MBIP: variants seen among roughly 807,000 people sequenced by gnomAD.
The protein encoded by MBIP is MAP3K12-binding inhibitory protein 1.
In MBIP, 32 loss-of-function variants were observed where a neutral mutation model predicts 45.7. That is an observed-to-expected ratio of 0.70 (90% confidence interval 0.53 to 0.94). MBIP has a LOEUF of 0.94. MBIP is among the 40% of genes least tolerant of loss of function. The pLI is 0.00. For missense variants in MBIP, 381 were observed against 405.5 expected (o/e 0.94, Z 0.52); for synonymous variants, 145 against 141.0 (o/e 1.03, Z -0.20).
chr14:36,311,095 T>C (rs1880171001), intron 6 of MBIP, among the ~76,000 whole-genome samples: 1 of 152,128 alleles, frequency 6.6e-6, no homozygotes, highest in African/African-American at 2.4e-5. Context: ...GATATTTATT[T>C]AGAAAACAGA....
intron 4 of MBIP, chr14:36,314,279 G>T: frequency 2.4e-6 from 1 of 419,640 alleles, no homozygotes; most frequent in Non-Finnish European, 4.2e-6. Context: ...CTTCACCTGT[G>T]ATAAACACTT....
intron 4 of MBIP, 42 bp downstream of exon 4, chr14:36,314,470 T>C: frequency 8.5e-7 from 1 of 1,178,736 alleles, no homozygotes; most frequent in Non-Finnish European, 1.2e-6. Flanking sequence ...ACTATAAAAA[T>C]TGTGCTTAAA....
Position 36,298,788 on chromosome 14 carries a change from T to A in MBIP, c.*295A>T, listed in dbSNP as rs1338684877. Reference sequence around the variant, plus strand: ...TCAAAATAAATCTTCCTTCCTGTGGTCCACAAAAGAAAAAAGATGTACCAG... The same window carrying A: ...TCAAAATAAATCTTCCTTCCTGTGGACCACAAAAGAAAAAAGATGTACCAG... On this transcript the variant is annotated 3_prime_UTR_variant, in exon 9 of 9. Coordinates refer to ENST00000416007, the MANE Select transcript of MBIP (RefSeq NM_016586.3). The A allele has an allele frequency of 4.3e-6, 1 of 233,998 alleles. No homozygotes were observed. Among genetic ancestry groups the A allele is most frequent in the East Asian group, 9.3e-5 (1 of 10,762 alleles). 14.5% of individuals were successfully genotyped at this position (233,998 alleles called of 1,614,324 possible). A position where few individuals can be genotyped will look rare whatever the true frequency, so the allele number is the denominator to read the frequency against.
rs1880069160 is a variant in MBIP at position 36,309,372 on chromosome 14, ATC to A, written c.791-1185_791-1184del. On this transcript the variant is annotated intron_variant, in intron 6 of 8. Coordinates refer to ENST00000416007, the MANE Select transcript of MBIP (RefSeq NM_016586.3). ...ATAAGCTCCAAGAGGACAGAGTTTTATCTGTTTTGTTCATTAGGTAGGGCTGT... is the reference window on the plus strand; with the variant it reads ...ATAAGCTCCAAGAGGACAGAGTTTTATGTTTTGTTCATTAGGTAGGGCTGT... Among the ~76,000 whole-genome samples the A allele has an allele frequency of 2.0e-5, 3 of 152,230 alleles. No homozygotes were observed. The East Asian group carries it at 5.8e-4, about 29-fold the overall frequency.
chr14:36,308,403 C>G (rs1007644198), intron 6 of MBIP, among the ~76,000 whole-genome samples: 1 of 152,128 alleles, frequency 6.6e-6, no homozygotes, highest in Non-Finnish European at 1.5e-5. Context: ...CTCTCCAAAC[C>G]CCATTTATGC....
intron 7 of MBIP, among the ~76,000 whole-genome samples, chr14:36,307,390 T>G (rs1001429146): frequency 2.0e-5 from 3 of 152,122 alleles, no homozygotes; most frequent in African/African-American, 7.2e-5. Context: ...ATTTTAGTTC[T>G]AATATGGTAC....
intron 1 of MBIP, chr14:36,319,470 C>CA (rs1880758091): frequency 3.2e-6 from 1 of 308,584 alleles, no homozygotes; most frequent in African/African-American, 2.2e-5. Context: ...TAAGACACAA[C>CA]ATACTACGAT....
chr14:36,303,422 A>G (rs955572240), intron 7 of MBIP, among the ~76,000 whole-genome samples: 15 of 152,170 alleles, frequency 9.9e-5, no homozygotes, highest in African/African-American at 3.6e-4. Flanking sequence ...AACATCATAG[A>G]GTATACTTAT....
intron 1 of MBIP, among the ~76,000 whole-genome samples, chr14:36,317,505 A>G (rs185314174): frequency 6.6e-6 from 1 of 152,252 alleles, no homozygotes; most frequent in Admixed American, 6.5e-5. Flanking sequence ...ACTGGATGAA[A>G]TGTCCAGATC....
chr14:36,315,231 AT>A (rs1880497972), intron 2 of MBIP, among the ~76,000 whole-genome samples: 1 of 152,122 alleles, frequency 6.6e-6, no homozygotes, highest in African/African-American at 2.4e-5. Context: ...CTCATCTTTT[AT>A]TTTGTGCCAA....
chr14:36,318,020 T>C (rs3805354), intron 1 of MBIP, among the ~76,000 whole-genome samples: 123,687 of 152,054 alleles, frequency 0.81, 53,689 homozygotes, highest in East Asian at 0.96. Flanking sequence ...AGATATGAAA[T>C]TTCATGTAGG....
At position 36,311,735 on chromosome 14, in the gene MBIP, G is replaced by C; in HGVS notation, c.638-10C>G. 2.5e-6 allele frequency: 4 copies of C among 1,583,070 alleles called. No individual in the cohort carries two copies. The highest frequency in any genetic ancestry group is 3.4e-6 in the Non-Finnish European group (4 of 1,166,400). ...TTCACAACTCTAGAAACTAAATTAA[G>C]AAACTTTTGAGCCTATATACATTTG... is the stretch of plus-strand genomic sequence containing the variant. On this transcript the variant is annotated splice_polypyrimidine_tract_variant and intron_variant, in intron 5 of 8. Transcript: ENST00000416007.
At chr14:36,316,171 AATG>A (rs1880556355) in intron 2 of MBIP, among the ~76,000 whole-genome samples, 1 of 152,214 alleles carries the variant, frequency 6.6e-6, no homozygotes, top group Non-Finnish European at 1.5e-5. Flanking sequence ...AAGGAAAAGA[AATG>A]ATAAAATAGT....
intron 4 of MBIP, 36 bp from the exon 5 acceptor site, chr14:36,312,060 AT>A: frequency 8.3e-7 from 1 of 1,200,670 alleles, no homozygotes; most frequent in Admixed American, 2.3e-5. Flanking sequence ...GTTTAAATAT[AT>A]TCTTCCCTTC....
rs1293717072 is a variant in MBIP at position 36,298,779 on chromosome 14, T to C, written c.*304A>G. Reference sequence around the variant, plus strand: ...GTATCAATATCAAAATAAATCTTCCTTCCTGTGGTCCACAAAAGAAAAAAG... The same window carrying C: ...GTATCAATATCAAAATAAATCTTCCCTCCTGTGGTCCACAAAAGAAAAAAG... On this transcript the variant is annotated 3_prime_UTR_variant, in exon 9 of 9. Transcript: ENST00000416007. 1 of 221,454 alleles carries C rather than the reference T, an allele frequency of 4.5e-6. No homozygotes were observed. The highest frequency in any genetic ancestry group is 1.0e-4 in the East Asian group (1 of 9,856). The allele number at this position is 221,454 out of a possible 1,614,324, so 13.7% of individuals were successfully genotyped here.
Position 36,311,979 on chromosome 14 carries a change from C to G in MBIP, c.617G>C (p.Gly206Ala). The part of the protein sequence containing the change: ...RTDAIFTPYP[G>A]FKSHVKVSRV... ...CTTACCTTTTACGTGACTTTTAAAT[C>G]CGGGGTAAGGGGTAAAAATCGCATC... The change falls in exon 5 of 9, where the codon GGA (glycine) becomes GCA (alanine). Residue 206 changes from glycine (G) to alanine (A), a missense_variant. Coordinates refer to ENST00000416007, the MANE Select transcript of MBIP (RefSeq NM_016586.3). 8 of 1,595,766 alleles carry G rather than the reference C, an allele frequency of 5.0e-6. No homozygotes were observed. The highest frequency in any genetic ancestry group is 1.2e-5 in the South Asian group (1 of 86,512).
Position 36,311,554 on chromosome 14 carries a change from C to T in MBIP, c.790+19G>A. On this transcript the variant is annotated intron_variant, in intron 6 of 8. Coordinates refer to ENST00000416007, the MANE Select transcript of MBIP (RefSeq NM_016586.3). ...TTTGCAAAGGTTCATTATGAGGTGC[C>T]ACTTAGCACTTTGCTTACCTGTCTG... is the stretch of plus-strand genomic sequence containing the variant. 2 of 1,578,554 alleles carry T rather than the reference C, an allele frequency of 1.3e-6. No individual in the cohort carries two copies.
At chr14:36,314,937 C>T (rs1228035252) in intron 2 of MBIP, 22 bp from the exon 3 acceptor site, 1 of 1,499,442 alleles carries the variant, frequency 6.7e-7, no homozygotes, top group Non-Finnish European at 9.3e-7. Flanking sequence ...ACAATTCCAT[C>T]TGCTGAGGTT....
At chr14:36,306,970 C>T (rs1209966643) in intron 7 of MBIP, among the ~76,000 whole-genome samples, 1 of 152,206 alleles carries the variant, frequency 6.6e-6, no homozygotes, top group Admixed American at 6.5e-5. Context: ...TATACAGCTA[C>T]TTTGTAGTTA....
Sources: gnomAD v4.1 joint callset for allele counts (sites outside exome capture counted in the v4.1 genomes callset) on GRCh38, gnomAD v4.1.1 for gene constraint, MANE v1.5 for transcripts, NCBI Gene and HGNC (gene_info 2026-07-23, HGNC 2026-07-21) for gene names.